Variants in ITPR3 observed in about 807,000 individuals in gnomAD.
The protein encoded by ITPR3 is inositol 1,4,5-trisphosphate-gated calcium channel ITPR3.
Under a neutral mutation model 293.2 loss-of-function variants are expected in ITPR3, and 173 were observed. That is an observed-to-expected ratio of 0.59 (90% CI 0.52 to 0.67). The LOEUF is 0.67. Ranked by LOEUF, ITPR3 falls within the 30% of genes least tolerant of loss-of-function variation. The pLI, the probability that ITPR3 is intolerant of heterozygous loss-of-function variation, is 0.00. For missense variants in ITPR3, 2,796 were observed against 3,592.1 expected (o/e 0.78, Z 5.66); for synonymous variants, 1,295 against 1,444.4 (o/e 0.90, Z 2.35).
In ITPR3 at chr6:33,658,883, T is replaced by C. The variant is rs1764380824; in HGVS notation, c.528+55T>C. ...TGGTGGAACTCCCGAGGGGCTTCTG[T>C]AGGGTCTTCGGTGTGGGGACTGGAT... On this transcript the variant is annotated intron_variant, in intron 5 of 57. Coordinates refer to ENST00000605930, the MANE Select transcript of ITPR3 (RefSeq NM_002224.4). The surrounding 1 kb of genome is among the most constrained non-coding windows in gnomAD (Gnocchi z 6.1). The C allele has an allele frequency of 6.2e-7, 1 of 1,607,950 alleles. No individual in the cohort carries two copies. The highest frequency in any genetic ancestry group is 8.5e-7 in the Non-Finnish European group (1 of 1,175,914).
Position 33,679,897 on chromosome 6 carries a change from G to A in ITPR3, c.3988G>A (p.Asp1330Asn). Residue 1330 changes from aspartate to asparagine, a missense_variant, in exon 31 of 58, where the codon GAC (aspartate) becomes AAC (asparagine). Physicochemically the swap from Asp to Asn is conservative, Grantham distance 23. This residue lies in a region of ITPR3 where 344 missense variants were observed against 460.3 expected (regional missense o/e 0.75). Transcript: ENST00000605930. The surrounding 1 kb of genome is among the most constrained non-coding windows in gnomAD (Gnocchi z 4.2). ...MIMTELTNAG[D>N]DVVVFYNDKA... ...CCACCCGCAGCTGACCAATGCAGGT[G>A]ACGATGTGGTCGTGTTCTACAATGA... 1 of 1,613,332 alleles carries A rather than the reference G, an allele frequency of 6.2e-7. No individual in the cohort carries two copies. Among genetic ancestry groups the A allele is most frequent in the East Asian group, 2.2e-5 (1 of 44,850 alleles).
chr6:33,669,188 C>T (rs1400610686), intron 18 of ITPR3, 32 bp downstream of exon 18: 3 of 1,602,368 alleles, frequency 1.9e-6, no homozygotes, highest in Non-Finnish European at 2.6e-6. Flanking sequence ...CCTCCCTCTT[C>T]CTGTGCCTTT....
At chr6:33,653,743 AC>A (rs1764245369) in intron 2 of ITPR3, among the ~76,000 whole-genome samples, 2 of 152,188 alleles carry the variant, frequency 1.3e-5, no homozygotes, top group Non-Finnish European at 2.9e-5. Context: ...TGTTCTGCTC[AC>A]TAAGTGCCAC....
At chr6:33,693,434 C>A (rs1009835414) in intron 55 of ITPR3, 111 bp from the exon 56 acceptor site, 13 of 1,104,252 alleles carry the variant, frequency 1.2e-5, no homozygotes, top group Admixed American at 2.0e-5. Context: ...TGGAAGCGCT[C>A]ATCCCGAGAA....
At position 33,664,103 on chromosome 6, in the gene ITPR3, G is replaced by T. The variant is rs1190753705; in HGVS notation, c.1148+223G>T. On this transcript the variant is annotated intron_variant, in intron 11 of 57. Coordinates refer to ENST00000605930, the MANE Select transcript of ITPR3 (RefSeq NM_002224.4). The surrounding 1 kb of genome is among the most constrained non-coding windows in gnomAD (Gnocchi z 4.4). ...CCTGGCGCCTGCCCCAGTTGGTCTG[G>T]GTGCTCAAGCACAGGCTGCATGGCA... Among the ~76,000 whole-genome samples, 1 of 152,136 alleles carries T rather than the reference G, an allele frequency of 6.6e-6. No homozygotes were observed. Among genetic ancestry groups the T allele is most frequent in the Non-Finnish European group, 1.5e-5 (1 of 68,012 alleles).
At chr6:33,645,450 T>C (rs1026695402) in intron 2 of ITPR3, among the ~76,000 whole-genome samples, 10 of 152,252 alleles carry the variant, frequency 6.6e-5, no homozygotes, top group African/African-American at 1.9e-4. Context: ...TTGCATTCCA[T>C]TGGGCGATAA....
intron 57 of ITPR3, 84 bp downstream of exon 57, chr6:33,695,169 C>G (rs1412696217): frequency 2.1e-6 from 3 of 1,443,842 alleles, no homozygotes; most frequent in Non-Finnish European, 2.8e-6. Flanking sequence ...CTGACCCACC[C>G]TCTTCCCCAC....
chr6:33,655,951 C>T lies in ITPR3; in HGVS notation c.282+64C>T, dbSNP rs567027723. On this transcript the variant is annotated intron_variant, in intron 3 of 57. Coordinates refer to ENST00000605930, the MANE Select transcript of ITPR3 (RefSeq NM_002224.4). The surrounding 1 kb of genome is among the most constrained non-coding windows in gnomAD (Gnocchi z 4.9). ...ACCAGGAACCTGGGTACACAAGCAG[C>T]GGTGCTGCTTGTCGGAGCCAGTAGG... 8.1e-5 allele frequency: 130 copies of T among 1,599,652 alleles called. No individual in the cohort carries two copies. The East Asian group carries it at 2.7e-3, about 33-fold the overall frequency.
In ITPR3 at chr6:33,692,821, G is replaced by A; in HGVS notation, c.7552G>A (p.Asp2518Asn). ...GAACCTCATCTTTGGGGTAATCATCGACACCTTCGCTGACCTGCGTAGTGA... is the reference window on the plus strand; with the variant it reads ...GAACCTCATCTTTGGGGTAATCATCAACACCTTCGCTGACCTGCGTAGTGA... The part of the protein sequence containing the change: ...VLNLIFGVII[D>N]TFADLRSEKQ... Residue 2518 changes from aspartate to asparagine, a missense_variant, in exon 55 of 58, where the codon GAC (aspartate) becomes AAC (asparagine). By Grantham distance (23) the Asp-to-Asn change is conservative (BLOSUM62 1). Transcript: ENST00000605930. The surrounding 1 kb of genome is among the most constrained non-coding windows in gnomAD (Gnocchi z 4.2). 8 of 1,614,064 alleles carry A rather than the reference G, an allele frequency of 5.0e-6. No individual in the cohort carries two copies. The highest frequency in any genetic ancestry group is 6.8e-6 in the Non-Finnish European group (8 of 1,180,010).
chr6:33,627,984 A>G (rs1763588562), intron 1 of ITPR3, among the ~76,000 whole-genome samples: 1 of 152,208 alleles, frequency 6.6e-6, no homozygotes, highest in Non-Finnish European at 1.5e-5. Context: ...GCCGGCCTGA[A>G]AGAATCCTGC....
chr6:33,654,921 C>T lies in ITPR3; in HGVS notation c.161-845C>T, dbSNP rs913455304. Among the ~76,000 whole-genome samples the T allele has an allele frequency of 6.6e-6, 1 of 152,226 alleles. No homozygotes were observed. Among genetic ancestry groups the T allele is most frequent in the Non-Finnish European group, 1.5e-5 (1 of 68,040 alleles). On this transcript the variant is annotated intron_variant, in intron 2 of 57. Transcript: ENST00000605930. This position sits in a 1 kb window ranked among gnomAD's most constrained non-coding sequence, Gnocchi z 4.1. ...CCTCCCTCCCCTCCTACCAAGCTTT[C>T]GAACAGGCTTTTCCAACTCCTGCCT...
In ITPR3 at chr6:33,682,278, G is replaced by C. The variant is rs574005459; in HGVS notation, c.4477-246G>C. ...ATTTTTTTAAACATTTTTTAAAAGG[G>C]TCAGCAACATGGCTATGAGCCCACG... On this transcript the variant is annotated intron_variant, in intron 33 of 57. Transcript: ENST00000605930. The surrounding 1 kb of genome is among the most constrained non-coding windows in gnomAD (Gnocchi z 5.4). 6.6e-6 allele frequency among the ~76,000 whole-genome samples: 1 copy of C among 152,170 alleles called. No homozygotes were observed. Among genetic ancestry groups the C allele is most frequent in the Admixed American group, 6.5e-5 (1 of 15,284 alleles).
At chr6:33,685,583 A>T in intron 40 of ITPR3, 50 bp downstream of exon 40, 1 of 1,597,872 alleles carries the variant, frequency 6.3e-7, no homozygotes, top group Non-Finnish European at 8.6e-7. Flanking sequence ...CCAGGATAAG[A>T]TGTGCAGGGG....
chr6:33,640,591 G>A (rs1312587334), intron 2 of ITPR3, 37 bp downstream of exon 2: 22 of 1,558,308 alleles, frequency 1.4e-5, no homozygotes, highest in Non-Finnish European at 1.7e-5. Context: ...GCCCCTCCCA[G>A]GCTGCAGGGT....
Position 33,670,838 on chromosome 6 carries a change from G to T in ITPR3, c.2586+23G>T. The T allele has an allele frequency of 1.2e-6, 2 of 1,610,294 alleles. No homozygotes were observed. Among genetic ancestry groups the T allele is most frequent in the Non-Finnish European group, 1.7e-6 (2 of 1,179,026 alleles). ...GAGGTGGCTGGGGGAGTGCCCAGGGGCTGGGGGTCCGTGGAGCTCTTGTTG... is the reference window on the plus strand; with the variant it reads ...GAGGTGGCTGGGGGAGTGCCCAGGGTCTGGGGGTCCGTGGAGCTCTTGTTG... On this transcript the variant is annotated intron_variant, in intron 20 of 57. Transcript: ENST00000605930. This position sits in a 1 kb window ranked among gnomAD's most constrained non-coding sequence, Gnocchi z 6.7.
intron 2 of ITPR3, among the ~76,000 whole-genome samples, chr6:33,651,932 C>A (rs1183202277): frequency 1.3e-5 from 2 of 152,178 alleles, no homozygotes; most frequent in Non-Finnish European, 2.9e-5. Flanking sequence ...AAGCTTGAGA[C>A]CCCTGCTCTA....
chr6:33,631,436 T>C (rs994791066), intron 1 of ITPR3, among the ~76,000 whole-genome samples: 1 of 152,186 alleles, frequency 6.6e-6, no homozygotes, highest in Admixed American at 6.5e-5. Context: ...CCTTCCCTTT[T>C]AGGTAGCCGA....
chr6:33,682,517 C>G lies in ITPR3; in HGVS notation c.4477-7C>G, dbSNP rs767468778. On this transcript the variant is annotated splice_region_variant and splice_polypyrimidine_tract_variant and intron_variant, in intron 33 of 57. Transcript: ENST00000605930. This position sits in a 1 kb window ranked among gnomAD's most constrained non-coding sequence, Gnocchi z 5.4. ...GCTGCAGCAGCGGGCTCTGTGACTT[C>G]TTGCAGACACACCAGACGATTGTGG... is the stretch of plus-strand genomic sequence containing the variant. 16 of 1,514,160 alleles carry G rather than the reference C, an allele frequency of 1.1e-5. No individual in the cohort carries two copies. Among genetic ancestry groups the G allele is most frequent in the Non-Finnish European group, 1.4e-5 (16 of 1,129,946 alleles). 93.8% of individuals were successfully genotyped at this position (1,514,160 alleles called of 1,614,324 possible). A position where few individuals can be genotyped will look rare whatever the true frequency, so the allele number is the denominator to read the frequency against.
At chr6:33,656,633 A>T (rs1373098356) in intron 3 of ITPR3, among the ~76,000 whole-genome samples, 1 of 152,038 alleles carries the variant, frequency 6.6e-6, no homozygotes, top group Admixed American at 6.6e-5. Context: ...GTGGTCGCTC[A>T]TGAGCCCCTT....
Sources: allele counts gnomAD v4.1 joint callset (sites outside exome capture counted in the v4.1 genomes callset), GRCh38; gene constraint gnomAD v4.1.1; regional missense constraint gnomAD v4.1.1; non-coding constraint Gnocchi (gnomAD v3.1); transcripts MANE v1.5; gene names NCBI Gene and HGNC (gene_info 2026-07-23, HGNC 2026-07-21).